Variants in RCAN1 observed in about 807,000 individuals in gnomAD.
RCAN1 encodes calcipressin-1.
Under a neutral mutation model 22.9 loss-of-function variants are expected in RCAN1, and 11 were observed. The ratio of observed to expected loss-of-function variants is 0.48; its 90% confidence interval spans 0.30 to 0.79. The LOEUF is 0.79. Among genes scored for constraint, RCAN1 ranks in the 30% least tolerant of loss-of-function variants. The pLI, the probability that RCAN1 is intolerant of heterozygous loss-of-function variation, is 0.06. For synonymous variants in RCAN1, 136 were observed against 142.3 expected, an observed-to-expected ratio of 0.96 and a Z score of 0.32; for missense variants, 291 against 337.8, an observed-to-expected ratio of 0.86 and a Z score of 1.09.
At chr21:34,521,956 A>G (rs528146989) in intron 2 of RCAN1, 51 of 345,772 alleles carry the variant, frequency 1.5e-4, no homozygotes, top group Admixed American at 6.8e-4. Context: ...AGGTGACTTT[A>G]GTATATATGG....
chr21:34,598,305 G>C (rs1193309674), intron 1 of RCAN1, among the ~76,000 whole-genome samples: 1 of 152,198 alleles, frequency 6.6e-6, no homozygotes, highest in African/African-American at 2.4e-5. Context: ...TGTATTAATT[G>C]TTAAATCACG....
intron 1 of RCAN1, among the ~76,000 whole-genome samples, chr21:34,574,643 A>T (rs1381583721): frequency 6.6e-6 from 1 of 152,256 alleles, no homozygotes. Context: ...AAAAAAAGAT[A>T]ATACAAACTC....
chr21:34,609,417 C>T (rs1201376642), intron 1 of RCAN1, among the ~76,000 whole-genome samples: 1 of 149,834 alleles, frequency 6.7e-6, no homozygotes, highest in African/African-American at 2.6e-5. Context: ...CCATCCCACA[C>T]ATGCTGATGT....
intron 1 of RCAN1, among the ~76,000 whole-genome samples, chr21:34,527,935 C>T (rs924305946): frequency 6.6e-6 from 1 of 151,800 alleles, no homozygotes; most frequent in Non-Finnish European, 1.5e-5. Context: ...AGGGAAGATG[C>T]CTGGTTTGGA....
At chr21:34,548,065 A>G (rs1986217456) in intron 1 of RCAN1, among the ~76,000 whole-genome samples, 1 of 152,200 alleles carries the variant, frequency 6.6e-6, no homozygotes, top group African/African-American at 2.4e-5. Context: ...GCCTAACCTC[A>G]GACTTCTCAA....
At chr21:34,556,298 C>T (rs1043571867) in intron 1 of RCAN1, among the ~76,000 whole-genome samples, 24 of 150,554 alleles carry the variant, frequency 1.6e-4, no homozygotes, top group African/African-American at 5.6e-4. Context: ...TGGTGGTGTG[C>T]GCCTCTAGTC....
At chr21:34,549,024 A>G (rs1986255702) in intron 1 of RCAN1, among the ~76,000 whole-genome samples, 1 of 152,224 alleles carries the variant, frequency 6.6e-6, no homozygotes. Context: ...GATAGGGACT[A>G]TGAGACCGTT....
chr21:34,559,424 C>T lies in RCAN1; in HGVS notation c.253-35714G>A, dbSNP rs886068291. Reference sequence around the variant, plus strand: ...GCCACCACAGCACTTCTTTAACTTTCGTAGGCAAGGAAGAAGATAAAGAAC... The same window carrying T: ...GCCACCACAGCACTTCTTTAACTTTTGTAGGCAAGGAAGAAGATAAAGAAC... On this transcript the variant is annotated intron_variant, in intron 1 of 3. Coordinates refer to ENST00000313806, the MANE Select transcript of RCAN1 (RefSeq NM_004414.7). The T allele has an allele frequency of 3.9e-5, 6 of 152,222 alleles. No homozygotes were observed. In the South Asian group the frequency reaches 6.2e-4, roughly 16 times the overall value. The allele number at this position is 152,222 out of a possible 1,614,324, so 9.4% of individuals were successfully genotyped here.
At chr21:34,571,242 G>A (rs973536730) in intron 1 of RCAN1, among the ~76,000 whole-genome samples, 18 of 152,076 alleles carry the variant, frequency 1.2e-4, no homozygotes, top group African/African-American at 3.9e-4. Flanking sequence ...GTGGTGAGCC[G>A]AGATCGTACC....
intron 1 of RCAN1, among the ~76,000 whole-genome samples, chr21:34,595,268 A>C (rs1270808248): frequency 6.6e-6 from 1 of 152,208 alleles, no homozygotes; most frequent in Admixed American, 6.5e-5. Flanking sequence ...GGAGAAATTC[A>C]TCATAGCCTC....
intron 1 of RCAN1, among the ~76,000 whole-genome samples, chr21:34,550,921 A>C (rs527538979): frequency 4.6e-5 from 7 of 152,244 alleles, no homozygotes; most frequent in Admixed American, 1.3e-4. Context: ...GAGCTTTATC[A>C]TATAGCCGAT....
chr21:34,539,679 T>A (rs1023718533), intron 1 of RCAN1, among the ~76,000 whole-genome samples: 11 of 152,242 alleles, frequency 7.2e-5, no homozygotes, highest in Non-Finnish European at 1.0e-4. Flanking sequence ...AAATCGACTT[T>A]GCCTGTTTTT....
chr21:34,602,858 C>A (rs958415801), intron 1 of RCAN1, among the ~76,000 whole-genome samples: 49 of 152,196 alleles, frequency 3.2e-4, no homozygotes, highest in South Asian at 4.2e-4. Context: ...ATTTCATATT[C>A]TTTTCATAAT....
chr21:34,583,204 G>A (rs1364712252), intron 1 of RCAN1, among the ~76,000 whole-genome samples: 2 of 128,212 alleles, frequency 1.6e-5, no homozygotes, highest in Non-Finnish European at 3.2e-5. Flanking sequence ...TTTTGAGACA[G>A]TTTCACTCTT....
intron 1 of RCAN1, among the ~76,000 whole-genome samples, chr21:34,570,614 T>G (rs1987199522): frequency 6.6e-6 from 1 of 151,770 alleles, no homozygotes; most frequent in South Asian, 2.1e-4. Flanking sequence ...TGCTGATACA[T>G]CTCTGTCTTG....
At chr21:34,594,034 A>G (rs531012336) in intron 1 of RCAN1, among the ~76,000 whole-genome samples, 2 of 152,312 alleles carry the variant, frequency 1.3e-5, no homozygotes, top group African/African-American at 2.4e-5. Flanking sequence ...TGCAAAACAG[A>G]AAGGGGACAA....
At chr21:34,533,265 T>C (rs1985511959) in intron 1 of RCAN1, among the ~76,000 whole-genome samples, 1 of 152,182 alleles carries the variant, frequency 6.6e-6, no homozygotes, top group Admixed American at 6.5e-5. Context: ...AGGCCCAAAA[T>C]ATACTTAAAT....
chr21:34,562,867 T>C (rs1246038611), intron 1 of RCAN1, among the ~76,000 whole-genome samples: 1 of 152,260 alleles, frequency 6.6e-6, no homozygotes, highest in Non-Finnish European at 1.5e-5. Flanking sequence ...AGGATATTCT[T>C]ATCTACGATA....
intron 1 of RCAN1, among the ~76,000 whole-genome samples, chr21:34,571,646 C>T (rs947246622): frequency 3.3e-5 from 5 of 152,136 alleles, no homozygotes; most frequent in Non-Finnish European, 7.3e-5. Context: ...AGTGTTACTT[C>T]CCAGGCTCGG....
Sources: allele counts gnomAD v4.1 joint callset (sites outside exome capture counted in the v4.1 genomes callset), GRCh38; gene constraint gnomAD v4.1.1; transcripts MANE v1.5; gene names NCBI Gene and HGNC (gene_info 2026-07-23, HGNC 2026-07-21).